ATRN: variants seen among roughly 807,000 people sequenced by gnomAD.
The protein encoded by ATRN is attractin-2.
A neutral mutation model predicts 178.7 loss-of-function variants in ATRN; 54 were observed. That is an observed-to-expected ratio of 0.30 (90% CI 0.24 to 0.38). The LOEUF (loss-of-function observed/expected upper bound fraction) is 0.38, where lower values mean the gene tolerates loss of function less well. Ranked by LOEUF, ATRN falls within the 10% of genes least tolerant of loss-of-function variation. The probability of loss-of-function intolerance (pLI) is 1.00; values close to 1 mark genes in which losing one functional copy is unlikely to be tolerated. For synonymous variants in ATRN, 636 were observed against 663.0 expected, an observed-to-expected ratio of 0.96 and a Z score of 0.63; for missense variants, 1,443 against 1,815.1, an observed-to-expected ratio of 0.79 and a Z score of 3.73.
In ATRN at chr20:3,645,529, G is replaced by A. The variant is rs74819367; in HGVS notation, c.4166-1194G>A. ...CTGAGGGCAGGGTGGCGGCTGGGGC[G>A]GCAAGGTGACAGGTGTGCAGCCCTG... On this transcript the variant is annotated intron_variant, in intron 28 of 28. Transcript: ENST00000262919. This position sits in a 1 kb window ranked among gnomAD's most constrained non-coding sequence, Gnocchi z 4.7. 2.8e-4 allele frequency among the ~76,000 whole-genome samples: 43 copies of A among 152,292 alleles called. No individual in the cohort carries two copies. In the East Asian group the frequency reaches 6.4e-3, roughly 23 times the overall value.
At chr20:3,634,278 G>C in intron 25 of ATRN, 33 bp from the exon 26 acceptor site, 1 of 1,598,400 alleles carries the variant, frequency 6.3e-7, no homozygotes, top group Non-Finnish European at 8.6e-7. Flanking sequence ...TCTGGGGGCT[G>C]GGATAATAAC....
chr20:3,589,453 GCT>G (rs2086407977), intron 18 of ATRN, among the ~76,000 whole-genome samples: 1 of 150,626 alleles, frequency 6.6e-6, no homozygotes, highest in Non-Finnish European at 1.5e-5. Flanking sequence ...TTAAGAGCTT[GCT>G]CTCTTATATT....
intron 24 of ATRN, among the ~76,000 whole-genome samples, chr20:3,615,124 GTTAA>G (rs2086824679): frequency 2.0e-5 from 3 of 152,230 alleles, no homozygotes; most frequent in African/African-American, 7.2e-5. Flanking sequence ...ACCTCCTGGT[GTTAA>G]TTGTCTGTAT....
At chr20:3,581,314 A>G (rs185735131) in intron 15 of ATRN, among the ~76,000 whole-genome samples, 2 of 152,342 alleles carry the variant, frequency 1.3e-5, no homozygotes, top group East Asian at 3.9e-4. Context: ...AAAATTAGGA[A>G]TACTTACCAT....
chr20:3,626,112 G>T (rs1044315639), intron 25 of ATRN, among the ~76,000 whole-genome samples: 1 of 151,868 alleles, frequency 6.6e-6, no homozygotes, highest in Admixed American at 6.6e-5. Context: ...CAAGCCTGTA[G>T]TCCCAGCTAA....
At chr20:3,585,257 C>T (rs2086341818) in intron 18 of ATRN, among the ~76,000 whole-genome samples, 1 of 152,120 alleles carries the variant, frequency 6.6e-6, no homozygotes. Context: ...TTTGTGAGGA[C>T]TTTGTAAGGG....
intron 1 of ATRN, among the ~76,000 whole-genome samples, chr20:3,509,032 GAAT>G (rs2085085739): frequency 6.6e-6 from 1 of 152,036 alleles, no homozygotes; most frequent in African/African-American, 2.4e-5. Context: ...GAAAAAAATG[GAAT>G]AATAAGAATA....
chr20:3,595,459 G>T (rs1304218029), intron 20 of ATRN, among the ~76,000 whole-genome samples: 1 of 152,180 alleles, frequency 6.6e-6, no homozygotes, highest in Non-Finnish European at 1.5e-5. Context: ...GCAGGGTTTG[G>T]TCTGTCTACT....
intron 24 of ATRN, among the ~76,000 whole-genome samples, chr20:3,608,474 T>C (rs597103): frequency 0.099 from 15,012 of 152,226 alleles, 1,034 homozygotes; most frequent in African/African-American, 0.2. Flanking sequence ...GTCCTTTCCC[T>C]CACTGAATAT....
intron 16 of ATRN, 136 bp downstream of exon 16, chr20:3,582,490 T>C (rs2086294921): frequency 3.8e-6 from 3 of 791,136 alleles, no homozygotes; most frequent in African/African-American, 1.7e-5. Flanking sequence ...CAAAGAAGAG[T>C]ATAACCCAGA....
At chr20:3,630,431 G>A (rs1183066383) in intron 25 of ATRN, among the ~76,000 whole-genome samples, 1 of 152,062 alleles carries the variant, frequency 6.6e-6, no homozygotes, top group Non-Finnish European at 1.5e-5. Context: ...GACTCTTCAG[G>A]GTAAGTGCAG....
rs2085616220 is a variant in ATRN at position 3,541,225 on chromosome 20, C to A, written c.608+890C>A. On this transcript the variant is annotated intron_variant, in intron 3 of 28. Transcript: ENST00000262919. ...CCCGAGTAGCTGGGACTACAGGCGC[C>A]CGCTACCACGCCCGGCTAATTTTTT... 2.0e-5 allele frequency among the ~76,000 whole-genome samples: 3 copies of A among 151,616 alleles called. No homozygotes were observed. In the South Asian group the frequency reaches 6.3e-4, roughly 32 times the overall value.
At chr20:3,496,767 A>G (rs1351789263) in intron 1 of ATRN, among the ~76,000 whole-genome samples, 1 of 151,952 alleles carries the variant, frequency 6.6e-6, no homozygotes, top group Non-Finnish European at 1.5e-5. Flanking sequence ...GGGGTGTTAA[A>G]GTCTCCCATT....
chr20:3,481,791 CTTTTTTTT>C (rs780144563), intron 1 of ATRN, among the ~76,000 whole-genome samples: 18 of 100,496 alleles, frequency 1.8e-4, no homozygotes, highest in African/African-American at 5.0e-4. Context: ...GGTGAATTTC[CTTTTTTTT>C]TTTTTTTTTT....
At chr20:3,482,513 G>A (rs531335200) in intron 1 of ATRN, among the ~76,000 whole-genome samples, 66 of 152,240 alleles carry the variant, frequency 4.3e-4, no homozygotes, top group Non-Finnish European at 7.8e-4. Context: ...TGTTTGGATA[G>A]TTTTTCTCTA....
At chr20:3,592,605 G>A in intron 19 of ATRN, 1 of 537,008 alleles carries the variant, frequency 1.9e-6, no homozygotes, top group Non-Finnish European at 2.4e-6. Flanking sequence ...AGCAGGAAAA[G>A]TAAACAACAT....
At chr20:3,601,887 GAAAA>G (rs1292967064) in intron 23 of ATRN, among the ~76,000 whole-genome samples, 11 of 140,402 alleles carry the variant, frequency 7.8e-5, no homozygotes, top group African/African-American at 2.9e-4. Flanking sequence ...AAAAAAAAAA[GAAAA>G]AAGGATAATC....
chr20:3,490,598 C>T (rs1218005824), intron 1 of ATRN: 7 of 1,043,944 alleles, frequency 6.7e-6, no homozygotes, highest in East Asian at 4.7e-5. Flanking sequence ...TCACGGAGAT[C>T]GAGGTAACGA....
chr20:3,596,681 T>G (rs1182583634), intron 21 of ATRN, among the ~76,000 whole-genome samples: 2 of 149,104 alleles, frequency 1.3e-5, no homozygotes, highest in Non-Finnish European at 3.0e-5. Context: ...GAGGCATGCA[T>G]CTTTGTCTAT....
Sources: allele counts gnomAD v4.1 joint callset (sites outside exome capture counted in the v4.1 genomes callset), GRCh38; gene constraint gnomAD v4.1.1; non-coding constraint Gnocchi (gnomAD v3.1); transcripts MANE v1.5; gene names NCBI Gene and HGNC (gene_info 2026-07-23, HGNC 2026-07-21).